The following LIPE variants were observed in gnomAD, a reference collection of about 807,000 sequenced individuals.
The protein encoded by LIPE is lipase E, hormone sensitive type, also known as hormone-sensitive lipase.
LIPE carries 66 observed loss-of-function variants against 88.5 expected under a neutral mutation model. The ratio of observed to expected loss-of-function variants is 0.75; its 90% CI spans 0.61 to 0.91. LIPE has a LOEUF of 0.91. Among genes scored for constraint, LIPE ranks in the 40% least tolerant of loss-of-function variants. The probability of loss-of-function intolerance (pLI) is 0.00; values close to 1 mark genes in which losing one functional copy is unlikely to be tolerated. For synonymous variants in LIPE, 570 were observed against 617.5 expected (o/e 0.92, Z 1.14); for missense variants, 1,346 against 1,434.7 (o/e 0.94, Z 1.00).
At position 42,426,340 on chromosome 19, in the gene LIPE, C is replaced by CA; in HGVS notation, c.809dup (p.Met271AspfsTer11). ...GCGACGTCCCACTGTATCCTGACAT[C>CA]ACTTTATAACCAGATTTTCCTTTGA... On this transcript the variant is annotated frameshift_variant, in exon 1 of 10. Transcript: ENST00000244289. LOFTEE classifies it high-confidence loss of function. The CA allele has an allele frequency of 6.2e-7, 1 of 1,613,386 alleles. No individual in the cohort carries two copies. The highest frequency in any genetic ancestry group is 2.2e-5 in the East Asian group (1 of 44,842).
chr19:42,425,704 G>C (rs370108008), intron 1 of LIPE, among the ~76,000 whole-genome samples: 1 of 152,144 alleles, frequency 6.6e-6, no homozygotes, highest in African/African-American at 2.4e-5. Flanking sequence ...CACCTACTCC[G>C]GAGGCTGAGG....
At chr19:42,423,532 T>TC in intron 1 of LIPE, 32 of 1,253,130 alleles carry the variant, frequency 2.6e-5, no homozygotes, top group Non-Finnish European at 3.3e-5. Context: ...CCCGGCCAAC[T>TC]CCATCAATTC....
At position 42,414,258 on chromosome 19, in the gene LIPE, G is replaced by C. The variant is rs574826956; in HGVS notation, c.884-3416C>G. On this transcript the variant is annotated intron_variant, in intron 1 of 9. Transcript: ENST00000244289. The surrounding 1 kb of genome is among the most constrained non-coding windows in gnomAD (Gnocchi z 4.6). ...CACTGTACTCCAGCCTGGCGATAAA[G>C]CGAGACTCTGTCAGAAAAGAAAGGA... Among the ~76,000 whole-genome samples the C allele has an allele frequency of 6.3e-4, 95 of 150,358 alleles. No homozygotes were observed. Among genetic ancestry groups the C allele is most frequent in the Admixed American group, 1.6e-3 (24 of 15,172 alleles).
In LIPE at chr19:42,401,999, G is replaced by C; in HGVS notation, c.3044C>G (p.Thr1015Arg). 1 of 1,553,112 alleles carries C rather than the reference G, an allele frequency of 6.4e-7. No homozygotes were observed. The highest frequency in any genetic ancestry group is 8.7e-7 in the Non-Finnish European group (1 of 1,151,036). ...CGGCAGGTCCTCCACCACGCGCAGC[G>C]TCACCGGCTGGCCCAGGTTGCGCAG... ...RRLRNLGQPVTLRVVEDLPHG... is the reference protein window; with the variant it reads ...RRLRNLGQPVRLRVVEDLPHG... The change falls in exon 10 of 10, where the codon ACG (threonine) becomes AGG (arginine). Residue 1015 changes from threonine (T) to arginine (R), a missense_variant. Transcript: ENST00000244289.
Position 42,414,236 on chromosome 19 carries a change from T to C in LIPE, c.884-3394A>G, listed in dbSNP as rs1254044405. On this transcript the variant is annotated intron_variant, in intron 1 of 9. Coordinates refer to ENST00000244289, the MANE Select transcript of LIPE (RefSeq NM_005357.4). The surrounding 1 kb of genome is among the most constrained non-coding windows in gnomAD (Gnocchi z 4.6). ...TTGCAGTGAGCTGAGATCACGCCAC[T>C]GTACTCCAGCCTGGCGATAAAGCGA... Among the ~76,000 whole-genome samples the C allele has an allele frequency of 6.6e-6, 1 of 151,348 alleles. No homozygotes were observed. The highest frequency in any genetic ancestry group is 1.5e-5 in the Non-Finnish European group (1 of 67,942).
At chr19:42,418,141 C>A (rs945973381) in intron 1 of LIPE, among the ~76,000 whole-genome samples, 10 of 152,146 alleles carry the variant, frequency 6.6e-5, no homozygotes, top group African/African-American at 2.4e-4. Context: ...TGCCACCGCG[C>A]CTGGTTAATT....
intron 1 of LIPE, among the ~76,000 whole-genome samples, chr19:42,417,612 G>A (rs1217360006): frequency 2.0e-5 from 3 of 151,992 alleles, no homozygotes; most frequent in African/African-American, 4.8e-5. Context: ...CTTGAACACT[G>A]GACCTCAAGT....
In LIPE at chr19:42,402,683, A is replaced by G; in HGVS notation, c.2891T>C (p.Ile964Thr). 6.6e-7 allele frequency: 1 copy of G among 1,512,564 alleles called. No individual in the cohort carries two copies. The highest frequency in any genetic ancestry group is 8.9e-7 in the Non-Finnish European group (1 of 1,128,112). The allele number at this position is 1,512,564 out of a possible 1,614,324, so 93.7% of individuals were successfully genotyped here. The part of the protein sequence containing the change: ...ATQMPLYSSP[I>T]VKNPFMSPLL... ...CGGCGACATGAAGGGGTTCTTGACT[A>G]TGGGTGAGGAGTAGAGGGGCATCTG... The change falls in exon 9 of 10, where the codon ATA becomes ACA. Residue 964 changes from isoleucine (I) to threonine (T), a missense_variant. Physicochemically the swap from Ile to Thr is moderately conservative, Grantham distance 89 (BLOSUM62 -1). Coordinates refer to ENST00000244289, the MANE Select transcript of LIPE (RefSeq NM_005357.4).
Position 42,408,755 on chromosome 19 carries a change from C to G in LIPE, c.1420-433G>C, listed in dbSNP as rs1317976621. Among the ~76,000 whole-genome samples, 1 of 150,670 alleles carries G rather than the reference C, an allele frequency of 6.6e-6. No homozygotes were observed. The highest frequency in any genetic ancestry group is 2.4e-5 in the African/African-American group (1 of 40,928). ...AGGAGAATCGCTTGAACCCAGGAGG[C>G]AGAGGTTGCAGTGAGTGGAGATCAC... On this transcript the variant is annotated intron_variant, in intron 2 of 9. Coordinates refer to ENST00000244289, the MANE Select transcript of LIPE (RefSeq NM_005357.4). This position sits in a 1 kb window ranked among gnomAD's most constrained non-coding sequence, Gnocchi z 4.3.
chr19:42,423,312 C>T (rs1411065317), intron 1 of LIPE: 4 of 843,848 alleles, frequency 4.7e-6, no homozygotes, highest in Non-Finnish European at 6.6e-6. Flanking sequence ...GGCCAGTCCG[C>T]GGACCCCCCC....
At chr19:42,417,839 G>A (rs2040519006) in intron 1 of LIPE, among the ~76,000 whole-genome samples, 1 of 152,086 alleles carries the variant, frequency 6.6e-6, no homozygotes, top group Non-Finnish European at 1.5e-5. Flanking sequence ...GTAACATAGT[G>A]AGACCCTCCC....
intron 1 of LIPE, among the ~76,000 whole-genome samples, chr19:42,417,555 A>C (rs1446982974): frequency 6.6e-6 from 1 of 151,914 alleles, no homozygotes; most frequent in Non-Finnish European, 1.5e-5. Flanking sequence ...GCATCTGGCT[A>C]ATTTTTTGTG....
At chr19:42,405,974 T>TCTCACA in intron 7 of LIPE, 187 bp downstream of exon 7, 1 of 481,804 alleles carries the variant, frequency 2.1e-6, no homozygotes, top group South Asian at 2.6e-5. Context: ...TCTCTCTCTC[T>TCTCACA]CTCACACACA....
In LIPE at chr19:42,408,306, C is replaced by T. The variant is rs549227329; in HGVS notation, c.1436G>A (p.Arg479Gln). ...AATGGAGATGGTCTGCAGGAATGGC[C>T]GGATGGCAGGCGTGAACTGTGGAGA... ...CLGFQFTPAI[R>Q]PFLQTISIGL... is the part of the protein sequence containing the mutation. The change falls in exon 3 of 10, where the codon CGG becomes CAG. Residue 479 changes from arginine (R) to glutamine (Q), a missense_variant. By Grantham distance (43) the Arg-to-Gln change is conservative. Coordinates refer to ENST00000244289, the MANE Select transcript of LIPE (RefSeq NM_005357.4). This position sits in a 1 kb window ranked among gnomAD's most constrained non-coding sequence, Gnocchi z 4.3. The T allele has an allele frequency of 3.5e-5, 56 of 1,613,888 alleles. No individual in the cohort carries two copies. Among genetic ancestry groups the T allele is most frequent in the Non-Finnish European group, 4.6e-5 (54 of 1,179,974 alleles).
Position 42,414,133 on chromosome 19 carries a change from G to A in LIPE, c.884-3291C>T, listed in dbSNP as rs1015326016. Among the ~76,000 whole-genome samples, 1 of 152,182 alleles carries A rather than the reference G, an allele frequency of 6.6e-6. No individual in the cohort carries two copies. The highest frequency in any genetic ancestry group is 1.9e-4 in the East Asian group (1 of 5,178). ...CTCTACTAAAAATACAAAAATTAGCGGTATGGTGGTGGATGCCTGTAGTCC... is the reference window on the plus strand; with the variant it reads ...CTCTACTAAAAATACAAAAATTAGCAGTATGGTGGTGGATGCCTGTAGTCC... On this transcript the variant is annotated intron_variant, in intron 1 of 9. Coordinates refer to ENST00000244289, the MANE Select transcript of LIPE (RefSeq NM_005357.4). This position sits in a 1 kb window ranked among gnomAD's most constrained non-coding sequence, Gnocchi z 4.6.
At chr19:42,418,632 A>T (rs2040535967) in intron 1 of LIPE, among the ~76,000 whole-genome samples, 1 of 151,568 alleles carries the variant, frequency 6.6e-6, no homozygotes, top group Non-Finnish European at 1.5e-5. Flanking sequence ...TGGGCAACAT[A>T]GTGAGATTCC....
chr19:42,424,401 T>C (rs369370481), intron 1 of LIPE: 86 of 456,444 alleles, frequency 1.9e-4, no homozygotes, highest in African/African-American at 1.4e-3. Flanking sequence ...CAACTGCTTC[T>C]GGACCGCCTG....
intron 1 of LIPE, among the ~76,000 whole-genome samples, chr19:42,418,998 GC>G (rs767432933): frequency 1.1e-4 from 17 of 152,162 alleles, no homozygotes; most frequent in Non-Finnish European, 7.3e-5. Context: ...AGGAGTGGGG[GC>G]CGGGCGCCGT....
chr19:42,423,526 G>GT (rs2040643721), intron 1 of LIPE: 1 of 1,261,232 alleles, frequency 7.9e-7, no homozygotes, highest in East Asian at 5.7e-5. Flanking sequence ...CGTTCCCCCG[G>GT]CCAACTCCAT....
Sources: gnomAD v4.1 joint callset for allele counts (sites outside exome capture counted in the v4.1 genomes callset) on GRCh38, gnomAD v4.1.1 for gene constraint, Gnocchi (gnomAD v3.1) non-coding constraint, MANE v1.5 for transcripts, NCBI Gene and HGNC (gene_info 2026-07-23, HGNC 2026-07-21) for gene names.